PIP4K2A: variants seen among roughly 807,000 people sequenced by gnomAD.
PIP4K2A encodes phosphatidylinositol 5-phosphate 4-kinase type-2 alpha.
A neutral mutation model predicts 42.9 loss-of-function variants in PIP4K2A; 14 were observed. The observed-to-expected ratio is 0.33, with a 90% CI of 0.22 to 0.51. PIP4K2A has a LOEUF of 0.51. Among genes scored for constraint, PIP4K2A ranks in the 20% least tolerant of loss-of-function variants. The pLI is 0.97. For synonymous variants in PIP4K2A, 192 were observed against 192.2 expected, an observed-to-expected ratio of 1.00 and a Z score of 0.01; for missense variants, 434 against 519.8, an observed-to-expected ratio of 0.83 and a Z score of 1.61.
chr10:22,557,113 T>C (rs1836573352), intron 6 of PIP4K2A, among the ~76,000 whole-genome samples: 1 of 152,094 alleles, frequency 6.6e-6, no homozygotes, highest in Non-Finnish European at 1.5e-5. Flanking sequence ...GTATCAATGA[T>C]CTCTAAGGAC....
intron 4 of PIP4K2A, among the ~76,000 whole-genome samples, chr10:22,581,891 C>T (rs536130672): frequency 1.3e-4 from 20 of 152,064 alleles, no homozygotes; most frequent in African/African-American, 3.9e-4. Context: ...GCAGGAGGAT[C>T]GCTTGAGTCC....
At chr10:22,635,752 T>C (rs1269801870) in intron 1 of PIP4K2A, among the ~76,000 whole-genome samples, 1 of 152,090 alleles carries the variant, frequency 6.6e-6, no homozygotes, top group African/African-American at 2.4e-5. Flanking sequence ...TGGAATATAA[T>C]TTGAAGCAAG....
intron 1 of PIP4K2A, among the ~76,000 whole-genome samples, chr10:22,650,863 G>T (rs1191070258): frequency 5.3e-5 from 8 of 151,242 alleles, no homozygotes; most frequent in African/African-American, 1.9e-4. Flanking sequence ...ACCTTTTACT[G>T]GCTGGCTGTT....
chr10:22,560,641 A>C (rs1454188874), intron 6 of PIP4K2A, among the ~76,000 whole-genome samples: 6 of 152,236 alleles, frequency 3.9e-5, no homozygotes, highest in African/African-American at 1.4e-4. Context: ...CAATACAGTT[A>C]CACAAATGCC....
intron 1 of PIP4K2A, among the ~76,000 whole-genome samples, chr10:22,658,660 C>G (rs1839147160): frequency 6.6e-6 from 1 of 152,178 alleles, no homozygotes; most frequent in African/African-American, 2.4e-5. Flanking sequence ...CCAGTGGGAT[C>G]ATATGGTTGC....
At chr10:22,549,700 G>C (rs1326619116) in intron 7 of PIP4K2A, among the ~76,000 whole-genome samples, 2 of 151,682 alleles carry the variant, frequency 1.3e-5, no homozygotes, top group Admixed American at 1.3e-4. Flanking sequence ...AATTAGCCAG[G>C]CGTGGTGGCG....
At chr10:22,630,091 T>C (rs939644843) in intron 1 of PIP4K2A, among the ~76,000 whole-genome samples, 3 of 151,510 alleles carry the variant, frequency 2.0e-5, no homozygotes, top group Non-Finnish European at 4.4e-5. Flanking sequence ...AATCCCAGCA[T>C]GTTGGGAAGG....
chr10:22,668,085 G>A, intron 1 of PIP4K2A, among the ~76,000 whole-genome samples: 1 of 152,038 alleles, frequency 6.6e-6, no homozygotes, highest in East Asian at 1.9e-4. Context: ...CTGAGTAGCT[G>A]GGACTATAGG....
intron 1 of PIP4K2A, among the ~76,000 whole-genome samples, chr10:22,658,667 T>C (rs556120712): frequency 4.0e-4 from 61 of 152,312 alleles, no homozygotes; most frequent in Non-Finnish European, 1.2e-4. Context: ...GATCATATGG[T>C]TGCTGCGCAG....
intron 4 of PIP4K2A, among the ~76,000 whole-genome samples, chr10:22,587,170 AT>A (rs1837415173): frequency 6.6e-6 from 1 of 152,212 alleles, no homozygotes. Context: ...GCCTTGGGCA[AT>A]TTTAACCCTC....
At chr10:22,682,393 T>C (rs1354594073) in intron 1 of PIP4K2A, among the ~76,000 whole-genome samples, 1 of 152,214 alleles carries the variant, frequency 6.6e-6, no homozygotes, top group East Asian at 1.9e-4. Context: ...TGCCTTTATT[T>C]TCTAGAAAAG....
chr10:22,607,870 A>T, intron 3 of PIP4K2A, 57 bp downstream of exon 3: 1 of 1,084,022 alleles, frequency 9.2e-7, no homozygotes, highest in Non-Finnish European at 1.4e-6. Context: ...TTGACACAGC[A>T]AAAGTCATGG....
chr10:22,590,433 T>C (rs959030684), intron 4 of PIP4K2A, among the ~76,000 whole-genome samples: 1 of 152,232 alleles, frequency 6.6e-6, no homozygotes, highest in Non-Finnish European at 1.5e-5. Context: ...AGCGATGCTA[T>C]GGCCACCACC....
chr10:22,593,850 C>T (rs1451788837), intron 3 of PIP4K2A, among the ~76,000 whole-genome samples: 1 of 152,164 alleles, frequency 6.6e-6, no homozygotes, highest in Non-Finnish European at 1.5e-5. Context: ...ACGTGTAAAA[C>T]AACTTTTGGG....
intron 1 of PIP4K2A, among the ~76,000 whole-genome samples, chr10:22,699,643 C>T (rs1451814629): frequency 1.3e-5 from 2 of 152,162 alleles, no homozygotes; most frequent in East Asian, 3.8e-4. Flanking sequence ...AACACAGCTT[C>T]TACCACATCT....
chr10:22,638,697 TG>T (rs1406681129), intron 1 of PIP4K2A, among the ~76,000 whole-genome samples: 1 of 152,218 alleles, frequency 6.6e-6, no homozygotes, highest in Non-Finnish European at 1.5e-5. Flanking sequence ...CTATTGTTAT[TG>T]TATGTTTGAT....
At chr10:22,556,504 A>G (rs1262999662) in intron 6 of PIP4K2A, among the ~76,000 whole-genome samples, 2 of 152,244 alleles carry the variant, frequency 1.3e-5, no homozygotes, top group Admixed American at 1.3e-4. Flanking sequence ...TTTATTCAAT[A>G]TATGGAATAA....
At chr10:22,703,078 G>A (rs1476102374) in intron 1 of PIP4K2A, among the ~76,000 whole-genome samples, 1 of 152,116 alleles carries the variant, frequency 6.6e-6, no homozygotes, top group Non-Finnish European at 1.5e-5. Flanking sequence ...TTAGCTAAGA[G>A]ACTAAAATAA....
chr10:22,582,472 T>G lies in PIP4K2A; in HGVS notation c.493-9015A>C, dbSNP rs12267604. ...ATATTTATATCTCCGCACGATAGTGTGAACCTGGGCTCCGGCTTTCAGGAA... is the reference window on the plus strand; with the variant it reads ...ATATTTATATCTCCGCACGATAGTGGGAACCTGGGCTCCGGCTTTCAGGAA... On this transcript the variant is annotated intron_variant, in intron 4 of 9. Transcript: ENST00000376573. Among the ~76,000 whole-genome samples, 899 of 152,352 alleles carry G rather than the reference T, an allele frequency of 5.9e-3. 6 individuals are homozygous for G. Among genetic ancestry groups the G allele is most frequent in the African/African-American group, 0.02 (845 of 41,582 alleles).
Sources: allele counts gnomAD v4.1 joint callset (sites outside exome capture counted in the v4.1 genomes callset), GRCh38; gene constraint gnomAD v4.1.1; transcripts MANE v1.5; gene names NCBI Gene and HGNC (gene_info 2026-07-23, HGNC 2026-07-21).